Variants in RASAL2 observed in about 807,000 individuals in gnomAD.
The protein encoded by RASAL2 is ras GTPase-activating protein nGAP.
Under a neutral mutation model 128.9 loss-of-function variants are expected in RASAL2, and 58 were observed. That is an observed-to-expected ratio of 0.45 (90% CI 0.36 to 0.56). The LOEUF (loss-of-function observed/expected upper bound fraction) is 0.56, where lower values mean the gene tolerates loss of function less well. RASAL2 is among the 20% of genes least tolerant of loss of function. The pLI, the probability that RASAL2 is intolerant of heterozygous loss-of-function variation, is 0.00. For missense variants in RASAL2, 1,360 were observed against 1,601.6 expected (o/e 0.85, Z 2.57); for synonymous variants, 561 against 580.8 (o/e 0.97, Z 0.49).
rs955793440 is a variant in RASAL2, at chr1:178,412,104, G to A, written c.565-8407G>A. On this transcript the variant is annotated intron_variant, in intron 4 of 17. Coordinates refer to ENST00000367649, the MANE Select transcript of RASAL2 (RefSeq NM_170692.4). ...AGGTGGCTGAAGGGGAGGATACTGA[G>A]TAATGGAGTCAAGGAATTATGAAGC... The A allele has an allele frequency of 2.0e-5, 6 of 294,584 alleles. No homozygotes were observed. The South Asian group carries it at 2.5e-4, about 12-fold the overall frequency. The allele number at this position is 294,584 out of a possible 1,614,324, so 18.2% of individuals were successfully genotyped here. A position where few individuals can be genotyped will look rare whatever the true frequency, so the allele number is the denominator to read the frequency against.
chr1:178,123,536 G>A (rs1659787631), intron 1 of RASAL2, among the ~76,000 whole-genome samples: 1 of 152,124 alleles, frequency 6.6e-6, no homozygotes, highest in Non-Finnish European at 1.5e-5. Context: ...ATATAGATAA[G>A]CTACATGTTC....
At chr1:178,339,417 T>G (rs999703865) in intron 3 of RASAL2, among the ~76,000 whole-genome samples, 1 of 152,204 alleles carries the variant, frequency 6.6e-6, no homozygotes, top group East Asian at 1.9e-4. Flanking sequence ...TGTAATCTTT[T>G]CCTGCAGCAT....
At chr1:178,269,774 T>C (rs917704954) in intron 1 of RASAL2, among the ~76,000 whole-genome samples, 1 of 152,210 alleles carries the variant, frequency 6.6e-6, no homozygotes, top group African/African-American at 2.4e-5. Flanking sequence ...CAGCAGCCCT[T>C]GGGGCTGCTC....
intron 1 of RASAL2, among the ~76,000 whole-genome samples, chr1:178,144,639 G>A (rs529845418): frequency 9.2e-5 from 14 of 152,232 alleles, no homozygotes; most frequent in Admixed American, 7.2e-4. Context: ...TGGGAATGGG[G>A]TAAAAGAATT....
At chr1:178,351,567 T>TA in intron 3 of RASAL2, among the ~76,000 whole-genome samples, 1 of 151,920 alleles carries the variant, frequency 6.6e-6, no homozygotes, top group Admixed American at 6.6e-5. Context: ...CCGTCTCTAC[T>TA]AAAAATACAA....
chr1:178,383,797 A>G (rs911034012), intron 3 of RASAL2, among the ~76,000 whole-genome samples: 1 of 152,210 alleles, frequency 6.6e-6, no homozygotes, highest in African/African-American at 2.4e-5. Flanking sequence ...TATTTCATTC[A>G]TTAATAACTA....
At chr1:178,284,731 C>A (rs924218511) in intron 2 of RASAL2, among the ~76,000 whole-genome samples, 1 of 151,024 alleles carries the variant, frequency 6.6e-6, no homozygotes, top group African/African-American at 2.4e-5. Flanking sequence ...CCAATTTCCA[C>A]CATATAAAAA....
chr1:178,312,542 A>C (rs1668308921), intron 3 of RASAL2, among the ~76,000 whole-genome samples: 2 of 152,192 alleles, frequency 1.3e-5, no homozygotes, highest in African/African-American at 4.8e-5. Context: ...AAGCTAATGA[A>C]AGATATGTTT....
chr1:178,375,560 C>T (rs1168109058), intron 3 of RASAL2, among the ~76,000 whole-genome samples: 1 of 152,054 alleles, frequency 6.6e-6, no homozygotes, highest in Non-Finnish European at 1.5e-5. Context: ...GTATTAAAAC[C>T]AGACTGTGAA....
At chr1:178,370,414 G>A (rs1264948871) in intron 3 of RASAL2, among the ~76,000 whole-genome samples, 1 of 152,138 alleles carries the variant, frequency 6.6e-6, no homozygotes, top group Non-Finnish European at 1.5e-5. Flanking sequence ...TAGATATTAA[G>A]CATGCATAGC....
intron 5 of RASAL2, among the ~76,000 whole-genome samples, chr1:178,424,649 A>G (rs1005826383): frequency 3.9e-5 from 6 of 151,944 alleles, no homozygotes; most frequent in African/African-American, 1.2e-4. Context: ...TTTTGTAGAG[A>G]TGGGATTTTG....
At chr1:178,461,688 A>C (rs1238741119) in intron 14 of RASAL2, among the ~76,000 whole-genome samples, 1 of 152,220 alleles carries the variant, frequency 6.6e-6, no homozygotes, top group Non-Finnish European at 1.5e-5. Context: ...TGCAGTTTTC[A>C]CATTTAGATT....
At chr1:178,334,636 C>T (rs1225048171) in intron 3 of RASAL2, among the ~76,000 whole-genome samples, 1 of 152,190 alleles carries the variant, frequency 6.6e-6, no homozygotes, top group Non-Finnish European at 1.5e-5. Flanking sequence ...AGCCACTGCA[C>T]CCGGCCACAA....
chr1:178,162,131 A>G (rs893100252), intron 1 of RASAL2, among the ~76,000 whole-genome samples: 1 of 148,486 alleles, frequency 6.7e-6, no homozygotes. Flanking sequence ...CGCCTGGCTA[A>G]TTTTTTGTAT....
intron 1 of RASAL2, among the ~76,000 whole-genome samples, chr1:178,252,072 T>A (rs559171169): frequency 2.9e-4 from 44 of 152,238 alleles, no homozygotes; most frequent in African/African-American, 1.0e-3. Flanking sequence ...CTTGAAAAAT[T>A]TTATAAACTG....
At chr1:178,156,493 G>A (rs1240517654) in intron 1 of RASAL2, among the ~76,000 whole-genome samples, 1 of 152,118 alleles carries the variant, frequency 6.6e-6, no homozygotes, top group South Asian at 2.1e-4. Flanking sequence ...AGTAAGTTAT[G>A]GGTGAGATTA....
intron 1 of RASAL2, among the ~76,000 whole-genome samples, chr1:178,169,415 T>G (rs575216825): frequency 2.4e-4 from 37 of 152,192 alleles, no homozygotes; most frequent in Non-Finnish European, 4.4e-4. Context: ...GGTTGACTTT[T>G]CAACTGGCTT....
In RASAL2 at chr1:178,476,972, G is replaced by C. The variant is rs916634276; in HGVS notation, c.*3733G>C. The C allele has an allele frequency of 6.6e-6, 1 of 152,278 alleles. No homozygotes were observed. The highest frequency in any genetic ancestry group is 2.4e-5 in the African/African-American group (1 of 41,436). The allele number at this position is 152,278 out of a possible 1,614,324, so 9.4% of individuals were successfully genotyped here. On this transcript the variant is annotated 3_prime_UTR_variant, in exon 18 of 18. Transcript: ENST00000367649. ...AGGCTGGTTATAGGACTGAGCGTGG[G>C]AAAGGAACCCTCTTCAGGATTACCT...
At chr1:178,471,993 C>G (rs923533719) in intron 17 of RASAL2, among the ~76,000 whole-genome samples, 1 of 152,010 alleles carries the variant, frequency 6.6e-6, no homozygotes, top group Non-Finnish European at 1.5e-5. Flanking sequence ...GGAGGTATTC[C>G]CTATGTGTTA....
Sources: allele counts gnomAD v4.1 joint callset (sites outside exome capture counted in the v4.1 genomes callset), GRCh38; gene constraint gnomAD v4.1.1; transcripts MANE v1.5; gene names NCBI Gene and HGNC (gene_info 2026-07-23, HGNC 2026-07-21).